ITPK1: variants seen among roughly 807,000 people sequenced by gnomAD.
The protein encoded by ITPK1 is inositol-tetrakisphosphate 1-kinase.
Under a neutral mutation model 45.3 loss-of-function variants are expected in ITPK1, and 21 were observed. The observed-to-expected ratio is 0.46, with a 90% CI of 0.33 to 0.67. The LOEUF (loss-of-function observed/expected upper bound fraction) is 0.67. ITPK1 is among the 30% of genes least tolerant of loss of function. The pLI is 0.02. For missense variants in ITPK1, 474 were observed against 573.5 expected (o/e 0.83, Z 1.77); for synonymous variants, 258 against 253.6 (o/e 1.02, Z -0.16).
chr14:93,076,646 C>G lies in ITPK1; in HGVS notation c.96-27G>C. The G allele has an allele frequency of 6.2e-7, 1 of 1,614,122 alleles. No homozygotes were observed. The highest frequency in any genetic ancestry group is 8.5e-7 in the Non-Finnish European group (1 of 1,180,002). Reference sequence around the variant, plus strand: ...TGTGGAGAAAAACAAAGAAAACAAGCGTTACTCCAGCAGGCTGGACACGTC... The same window carrying G: ...TGTGGAGAAAAACAAAGAAAACAAGGGTTACTCCAGCAGGCTGGACACGTC... On this transcript the variant is annotated intron_variant, in intron 2 of 10. Transcript: ENST00000267615. This position sits in a 1 kb window ranked among gnomAD's most constrained non-coding sequence, Gnocchi z 4.3.
intron 2 of ITPK1, among the ~76,000 whole-genome samples, chr14:93,098,671 C>T (rs888360176): frequency 3.9e-5 from 6 of 152,188 alleles, no homozygotes; most frequent in Non-Finnish European, 7.3e-5. Flanking sequence ...CCGCACAGCT[C>T]AGCGGCAAAG....
In ITPK1 at chr14:93,063,394, G is replaced by A. The variant is rs894462623; in HGVS notation, c.120+13201C>T. ...GGGTGTGAGCTTCACAAGACCCCTC[G>A]AGTCATCTCAGGAGCCAGAAAACCA... On this transcript the variant is annotated intron_variant, in intron 3 of 10. Coordinates refer to ENST00000267615, the MANE Select transcript of ITPK1 (RefSeq NM_014216.6). This position sits in a 1 kb window ranked among gnomAD's most constrained non-coding sequence, Gnocchi z 4.3. Among the ~76,000 whole-genome samples the A allele has an allele frequency of 3.9e-5, 6 of 152,130 alleles. No individual in the cohort carries two copies. In the East Asian group the frequency reaches 7.7e-4, roughly 20 times the overall value.
At chr14:93,001,328 G>A (rs1156673783) in intron 4 of ITPK1, among the ~76,000 whole-genome samples, 2 of 151,654 alleles carry the variant, frequency 1.3e-5, no homozygotes, top group Non-Finnish European at 2.9e-5. Context: ...AACAAAAAAC[G>A]GCAAGCACAG....
chr14:93,035,363 G>A (rs539006021), intron 3 of ITPK1, among the ~76,000 whole-genome samples: 10 of 152,180 alleles, frequency 6.6e-5, no homozygotes, highest in African/African-American at 2.2e-4. Context: ...AGGTATTCAC[G>A]CTGGGCAGTC....
intron 2 of ITPK1, among the ~76,000 whole-genome samples, chr14:93,101,909 A>C (rs1206817820): frequency 1.3e-5 from 2 of 152,144 alleles, no homozygotes; most frequent in African/African-American, 4.8e-5. Flanking sequence ...CCACATACGG[A>C]CTGACAGCTT....
chr14:93,112,111 T>G (rs1459462709), intron 2 of ITPK1, among the ~76,000 whole-genome samples: 1 of 151,940 alleles, frequency 6.6e-6, no homozygotes, highest in African/African-American at 2.4e-5. Context: ...GAATGTGTCC[T>G]GGGGGCTAAA....
chr14:93,099,224 C>T (rs1892212065), intron 2 of ITPK1, among the ~76,000 whole-genome samples: 1 of 152,086 alleles, frequency 6.6e-6, no homozygotes, highest in African/African-American at 2.4e-5. Flanking sequence ...GAGTGGCCCT[C>T]CCCAGACCAA....
intron 2 of ITPK1, among the ~76,000 whole-genome samples, chr14:93,102,731 C>T (rs1225097963): frequency 1.3e-5 from 2 of 152,130 alleles, no homozygotes; most frequent in Non-Finnish European, 2.9e-5. Context: ...CTGAGACGGG[C>T]GATCGATCAA....
chr14:93,088,681 G>A (rs1479390674), intron 2 of ITPK1, among the ~76,000 whole-genome samples: 1 of 152,048 alleles, frequency 6.6e-6, no homozygotes, highest in African/African-American at 2.4e-5. Context: ...TGTAGAGACA[G>A]GGTCTCACTA....
At chr14:93,027,803 C>T (rs893993582) in intron 3 of ITPK1, among the ~76,000 whole-genome samples, 4 of 152,228 alleles carry the variant, frequency 2.6e-5, no homozygotes, top group Non-Finnish European at 5.9e-5. Flanking sequence ...CTCAGTCTCA[C>T]CCAGGGCCAC....
chr14:93,042,249 G>A (rs984390792), intron 3 of ITPK1, among the ~76,000 whole-genome samples: 3 of 152,142 alleles, frequency 2.0e-5, no homozygotes, highest in South Asian at 2.1e-4. Context: ...TCTCTACTCC[G>A]CCACCCTGCT....
At chr14:93,090,206 C>T (rs977757848) in intron 2 of ITPK1, among the ~76,000 whole-genome samples, 1 of 152,100 alleles carries the variant, frequency 6.6e-6, no homozygotes, top group Non-Finnish European at 1.5e-5. Context: ...GTTCCTAGCA[C>T]ACCGGGCTTC....
In ITPK1 at chr14:92,946,441, T is replaced by C. The variant is rs757118252; in HGVS notation, c.791A>G (p.Glu264Gly). Reference protein sequence around the residue: ...FERPSDEVIRELSRALRQALG... With the variant: ...FERPSDEVIRGLSRALRQALG... ...TGCCTGCCGCAGGGCCCGGGAGAGC[T>C]CCCGGATGACCTCGTCGCTCGGCCG... is the stretch of plus-strand genomic sequence containing the variant. The change falls in exon 10 of 11, where the codon GAG (glutamate) becomes GGG (glycine). Residue 264 changes from glutamate (E) to glycine (G), a missense_variant. By Grantham distance (98) the Glu-to-Gly change is moderately conservative (BLOSUM62 -2). Transcript: ENST00000267615. The C allele has an allele frequency of 6.2e-7, 1 of 1,613,170 alleles. No homozygotes were observed. Among genetic ancestry groups the C allele is most frequent in the Admixed American group, 1.7e-5 (1 of 60,020 alleles).
At chr14:93,025,426 G>GT (rs1197746565) in intron 3 of ITPK1, among the ~76,000 whole-genome samples, 1 of 152,164 alleles carries the variant, frequency 6.6e-6, no homozygotes, top group Non-Finnish European at 1.5e-5. Context: ...TCCCTAGACT[G>GT]TTTTTTAAAT....
At chr14:93,093,522 G>A (rs1453098121) in intron 2 of ITPK1, among the ~76,000 whole-genome samples, 1 of 152,156 alleles carries the variant, frequency 6.6e-6, no homozygotes, top group Admixed American at 6.5e-5. Context: ...GCCCTGCGCT[G>A]AGGTCAACAG....
intron 3 of ITPK1, among the ~76,000 whole-genome samples, chr14:93,035,557 T>C (rs574219061): frequency 7.6e-6 from 1 of 131,476 alleles, no homozygotes; most frequent in East Asian, 2.7e-4. Flanking sequence ...GGTCAACAAA[T>C]GGCCAAAGAG....
intron 2 of ITPK1, among the ~76,000 whole-genome samples, chr14:93,109,295 C>T (rs1026894730): frequency 6.6e-6 from 1 of 151,388 alleles, no homozygotes; most frequent in African/African-American, 2.4e-5. Context: ...AAGAGCACAA[C>T]AGTAATACAT....
At position 93,063,445 on chromosome 14, in the gene ITPK1, C is replaced by T. The variant is rs1890615837; in HGVS notation, c.120+13150G>A. Among the ~76,000 whole-genome samples, 1 of 152,216 alleles carries T rather than the reference C, an allele frequency of 6.6e-6. No homozygotes were observed. Among genetic ancestry groups the T allele is most frequent in the Non-Finnish European group, 1.5e-5 (1 of 68,034 alleles). On this transcript the variant is annotated intron_variant, in intron 3 of 10. Transcript: ENST00000267615. This position sits in a 1 kb window ranked among gnomAD's most constrained non-coding sequence, Gnocchi z 4.3. The stretch of plus-strand genomic sequence containing the variant: ...GTGAGCTTCCCACTCCCCACAGCCC[C>T]ACACAGCACACTAAGCCCTGTCCCT...
intron 3 of ITPK1, among the ~76,000 whole-genome samples, chr14:93,038,825 C>T (rs893815835): frequency 2.0e-5 from 3 of 152,214 alleles, no homozygotes; most frequent in African/African-American, 7.2e-5. Flanking sequence ...CCGCACCCAG[C>T]CAGATATGTG....
Sources: gnomAD v4.1 joint callset for allele counts (sites outside exome capture counted in the v4.1 genomes callset) on GRCh38, gnomAD v4.1.1 for gene constraint, Gnocchi (gnomAD v3.1) non-coding constraint, MANE v1.5 for transcripts, NCBI Gene and HGNC (gene_info 2026-07-23, HGNC 2026-07-21) for gene names.